The following CNTN3 variants were observed in gnomAD, a reference collection of about 807,000 sequenced individuals.
The protein encoded by CNTN3 is contactin-3.
CNTN3 carries 60 observed loss-of-function variants against 119.1 expected under a neutral mutation model. The observed-to-expected ratio is 0.50, with a 90% CI of 0.41 to 0.62. The LOEUF (loss-of-function observed/expected upper bound fraction) is 0.62, where lower values mean the gene tolerates loss of function less well. Among genes scored for constraint, CNTN3 ranks in the 20% least tolerant of loss-of-function variants. The pLI is 0.00. For synonymous variants in CNTN3, 450 were observed against 438.7 expected, an observed-to-expected ratio of 1.03 and a Z score of -0.32; for missense variants, 1,101 against 1,242.4, an observed-to-expected ratio of 0.89 and a Z score of 1.71.
chr3:74,436,094 A>C (rs1701861706), intron 4 of CNTN3, among the ~76,000 whole-genome samples: 1 of 152,208 alleles, frequency 6.6e-6, no homozygotes, highest in Admixed American at 6.5e-5. Flanking sequence ...GTGTACATGA[A>C]GTTTATGCCT....
chr3:74,542,143 A>G (rs1374314147), intron 1 of CNTN3, among the ~76,000 whole-genome samples: 1 of 152,168 alleles, frequency 6.6e-6, no homozygotes, highest in East Asian at 1.9e-4. Context: ...CTGAAGCAGG[A>G]GGATTACTTG....
chr3:74,315,066 T>G (rs1397054924), intron 13 of CNTN3, among the ~76,000 whole-genome samples: 1 of 152,178 alleles, frequency 6.6e-6, no homozygotes, highest in East Asian at 1.9e-4. Context: ...AAAGTGACCT[T>G]TGGTCATCCT....
At chr3:74,267,757 G>C (rs559071958) in intron 20 of CNTN3, among the ~76,000 whole-genome samples, 2 of 151,994 alleles carry the variant, frequency 1.3e-5, no homozygotes, top group African/African-American at 4.8e-5. Context: ...CACGTCGATG[G>C]GGGGGATAAG....
At chr3:74,417,668 A>G (rs1369944918) in intron 5 of CNTN3, among the ~76,000 whole-genome samples, 2 of 152,186 alleles carry the variant, frequency 1.3e-5, no homozygotes, top group African/African-American at 2.4e-5. Context: ...TTTCATCTCC[A>G]TTTCCAACTA....
chr3:74,579,371 A>T (rs1704467726), intron 1 of CNTN3, among the ~76,000 whole-genome samples: 1 of 152,032 alleles, frequency 6.6e-6, no homozygotes, highest in South Asian at 2.1e-4. Context: ...CCTCAAAAAA[A>T]AAAAAAGACA....
intron 1 of CNTN3, among the ~76,000 whole-genome samples, chr3:74,592,257 T>A (rs1575852913): frequency 6.6e-6 from 1 of 151,802 alleles, no homozygotes; most frequent in Non-Finnish European, 1.5e-5. Flanking sequence ...AGATGATCAA[T>A]GAGAGAGGAG....
At chr3:74,344,162 GT>G (rs1161551988) in intron 11 of CNTN3, among the ~76,000 whole-genome samples, 1 of 152,038 alleles carries the variant, frequency 6.6e-6, no homozygotes, top group Non-Finnish European at 1.5e-5. Context: ...GTACATAGTA[GT>G]TTTTTTCAAT....
chr3:74,348,220 C>A (rs1244743243), intron 11 of CNTN3, among the ~76,000 whole-genome samples: 1 of 151,622 alleles, frequency 6.6e-6, no homozygotes, highest in African/African-American at 2.4e-5. Context: ...TAACTATGTG[C>A]GGTGATAGAT....
At chr3:74,287,810 T>C (rs1282308752) in intron 19 of CNTN3, among the ~76,000 whole-genome samples, 3 of 152,148 alleles carry the variant, frequency 2.0e-5, no homozygotes, top group Middle Eastern at 3.2e-3. Flanking sequence ...TGAGCCACCA[T>C]TTGGTATGGA....
chr3:74,290,994 C>T (rs1702219917), intron 19 of CNTN3, among the ~76,000 whole-genome samples: 1 of 151,880 alleles, frequency 6.6e-6, no homozygotes, highest in Non-Finnish European at 1.5e-5. Flanking sequence ...TGGTGTGCTG[C>T]ACCCATTAAC....
At chr3:74,548,364 T>C (rs79631724) in intron 1 of CNTN3, among the ~76,000 whole-genome samples, 2,942 of 152,276 alleles carry the variant, frequency 0.019, 117 homozygotes, top group African/African-American at 0.068. Context: ...ATATCTACTT[T>C]ATATTTCTAT....
intron 3 of CNTN3, among the ~76,000 whole-genome samples, chr3:74,494,649 CATG>C (rs1377710326): frequency 6.6e-6 from 1 of 152,060 alleles, no homozygotes; most frequent in Non-Finnish European, 1.5e-5. Context: ...TGTGATCCTT[CATG>C]ATATTATTGA....
intron 4 of CNTN3, among the ~76,000 whole-genome samples, chr3:74,446,130 C>T (rs538138055): frequency 9.9e-5 from 15 of 152,234 alleles, no homozygotes; most frequent in Non-Finnish European, 2.1e-4. Context: ...TGATCTGATG[C>T]TTAATAGTTG....
intron 1 of CNTN3, among the ~76,000 whole-genome samples, chr3:74,578,330 C>T (rs1429168626): frequency 6.6e-6 from 1 of 151,974 alleles, no homozygotes; most frequent in African/African-American, 2.4e-5. Flanking sequence ...CTGTTGGAAA[C>T]TGATGTAAAA....
chr3:74,369,148 G>T, intron 8 of CNTN3, 41 bp downstream of exon 8: 1 of 1,451,716 alleles, frequency 6.9e-7, no homozygotes, highest in East Asian at 2.5e-5. Context: ...AGATGAGAAA[G>T]TAAAAGCTAA....
chr3:74,361,796 C>T (rs1375564196), intron 11 of CNTN3, 94 bp downstream of exon 11: 7 of 1,270,528 alleles, frequency 5.5e-6, no homozygotes, highest in South Asian at 1.7e-5. Flanking sequence ...TACTGAAATG[C>T]TATTTTGTTT....
At chr3:74,599,204 C>T (rs1704865163) in intron 1 of CNTN3, among the ~76,000 whole-genome samples, 1 of 152,018 alleles carries the variant, frequency 6.6e-6, no homozygotes, top group Non-Finnish European at 1.5e-5. Context: ...ATTTGGAGAA[C>T]CTACTCTATG....
rs755419841 is a variant in CNTN3, at chr3:74,371,265, C to A, written c.589G>T (p.Val197Leu). ...GCATTTGTCACCATACTTGTCACCACACATGTGTAATTTCCCACATCAGAC... is the reference window on the plus strand; with the variant it reads ...GCATTTGTCACCATACTTGTCACCAAACATGTGTAATTTCCCACATCAGAC... ...EPSDVGNYTC[V>L]VTSMVTNARV... The change falls in exon 6 of 23, where the codon GTG (valine) becomes TTG (leucine). Residue 197 changes from valine (V) to leucine (L), a missense_variant. Physicochemically the swap from Val to Leu is conservative, Grantham distance 32. Transcript: ENST00000263665. 1.2e-6 allele frequency: 2 copies of A among 1,613,550 alleles called. 1 individual carries two copies. The highest frequency in any genetic ancestry group is 2.2e-5 in the South Asian group (2 of 91,078).
At chr3:74,411,962 C>T (rs1181539884) in intron 5 of CNTN3, among the ~76,000 whole-genome samples, 2 of 152,118 alleles carry the variant, frequency 1.3e-5, no homozygotes, top group African/African-American at 2.4e-5. Flanking sequence ...GAAAACATTG[C>T]ATATGTTAGA....
Sources: allele counts gnomAD v4.1 joint callset (sites outside exome capture counted in the v4.1 genomes callset), GRCh38; gene constraint gnomAD v4.1.1; transcripts MANE v1.5; gene names NCBI Gene and HGNC (gene_info 2026-07-23, HGNC 2026-07-21).